UNC5C: variants seen among roughly 807,000 people sequenced by gnomAD.
UNC5C encodes the protein netrin receptor UNC5C.
Under a neutral mutation model 99.8 loss-of-function variants are expected in UNC5C, and 47 were observed. The observed-to-expected ratio is 0.47, with a 90% CI of 0.37 to 0.60. The LOEUF (loss-of-function observed/expected upper bound fraction) is 0.60, where lower values mean the gene tolerates loss of function less well. UNC5C is among the 20% of genes least tolerant of loss of function. UNC5C has a pLI of 0.00. For synonymous variants in UNC5C, 487 were observed against 452.2 expected (o/e 1.08, Z -0.98); for missense variants, 1,062 against 1,165.9 (o/e 0.91, Z 1.30).
At chr4:95,537,427 A>C (rs1722808851) in intron 1 of UNC5C, among the ~76,000 whole-genome samples, 1 of 152,158 alleles carries the variant, frequency 6.6e-6, no homozygotes, top group Non-Finnish European at 1.5e-5. Context: ...CACGACAGCC[A>C]CTGATTAATT....
At chr4:95,207,854 A>G (rs541238908) in intron 10 of UNC5C, among the ~76,000 whole-genome samples, 1 of 152,320 alleles carries the variant, frequency 6.6e-6, no homozygotes, top group South Asian at 2.1e-4. Context: ...CAAATTTACA[A>G]AATATTCTTA....
chr4:95,487,574 T>C (rs930702211), intron 1 of UNC5C, among the ~76,000 whole-genome samples: 33 of 151,824 alleles, frequency 2.2e-4, no homozygotes, highest in African/African-American at 7.2e-4. Flanking sequence ...TTAAATGTGC[T>C]GTGTATTGAC....
chr4:95,281,474 C>T lies in UNC5C; in HGVS notation c.491-3112G>A, dbSNP rs551211861. 1.4e-4 allele frequency among the ~76,000 whole-genome samples: 22 copies of T among 152,106 alleles called. No homozygotes were observed. In the South Asian group the frequency reaches 3.3e-3, roughly 23 times the overall value. ...CATCAGAGTGACTGATGGAGTGAGG[C>T]GGTGGTGAGGAGCCTGAAGTTAGTT... On this transcript the variant is annotated intron_variant, in intron 3 of 15. Coordinates refer to ENST00000453304, the MANE Select transcript of UNC5C (RefSeq NM_003728.4).
chr4:95,332,537 G>A (rs1486296965), intron 2 of UNC5C, among the ~76,000 whole-genome samples: 1 of 151,654 alleles, frequency 6.6e-6, no homozygotes, highest in African/African-American at 2.4e-5. Flanking sequence ...GCTGAAACTG[G>A]ATCCCTTCCT....
chr4:95,242,664 A>C (rs1384102695), intron 6 of UNC5C, 71 bp from the exon 7 acceptor site: 1 of 1,432,714 alleles, frequency 7.0e-7, no homozygotes, highest in East Asian at 2.5e-5. Flanking sequence ...CAGAGCTCAA[A>C]TATAATACAA....
intron 3 of UNC5C, among the ~76,000 whole-genome samples, chr4:95,287,906 TG>T (rs1741293924): frequency 6.6e-6 from 1 of 152,132 alleles, no homozygotes; most frequent in South Asian, 2.1e-4. Context: ...TGCTTGGTGC[TG>T]GGTATATAGC....
intron 1 of UNC5C, among the ~76,000 whole-genome samples, chr4:95,457,869 C>A (rs1453497172): frequency 6.6e-6 from 1 of 152,050 alleles, no homozygotes; most frequent in Non-Finnish European, 1.5e-5. Flanking sequence ...AGGATCTGAA[C>A]GTCGGATGAG....
At position 95,283,384 on chromosome 4, in the gene UNC5C, G is replaced by T. The variant is rs373432993; in HGVS notation, c.491-5022C>A. On this transcript the variant is annotated intron_variant, in intron 3 of 15. Coordinates refer to ENST00000453304, the MANE Select transcript of UNC5C (RefSeq NM_003728.4). ...GATCTCACATTTAACCCCCTACAAG[G>T]CAATACTTCTTCCTGAAAAACGCTT... Among the ~76,000 whole-genome samples, 20 of 152,190 alleles carry T rather than the reference G, an allele frequency of 1.3e-4. No homozygotes were observed. The South Asian group carries it at 4.1e-3, about 32-fold the overall frequency.
At chr4:95,486,692 C>A (rs1355920089) in intron 1 of UNC5C, among the ~76,000 whole-genome samples, 3 of 151,572 alleles carry the variant, frequency 2.0e-5, no homozygotes, top group Non-Finnish European at 4.4e-5. Flanking sequence ...AAATGTATTT[C>A]TTCTTCCAGA....
At chr4:95,310,563 G>GTAATA (rs369014360) in intron 2 of UNC5C, among the ~76,000 whole-genome samples, 1,844 of 152,190 alleles carry the variant, frequency 0.012, 40 homozygotes, top group African/African-American at 0.042. Flanking sequence ...ACACAATTCT[G>GTAATA]TTAATAAATG....
intron 1 of UNC5C, among the ~76,000 whole-genome samples, chr4:95,482,874 G>T: frequency 8.1e-6 from 1 of 123,684 alleles, no homozygotes; most frequent in Non-Finnish European, 1.7e-5. Flanking sequence ...TGGGCGGAGG[G>T]GGGAGGGATA....
intron 2 of UNC5C, among the ~76,000 whole-genome samples, chr4:95,310,946 C>T (rs1313592676): frequency 6.6e-6 from 1 of 152,132 alleles, no homozygotes; most frequent in African/African-American, 2.4e-5. Context: ...GCAATCATAA[C>T]ACAGTTTTCC....
At chr4:95,187,577 G>C (rs1405332823) in intron 12 of UNC5C, among the ~76,000 whole-genome samples, 1 of 150,522 alleles carries the variant, frequency 6.6e-6, no homozygotes, top group Non-Finnish European at 1.5e-5. Context: ...AATCTAACAC[G>C]GCATTTTGAG....
chr4:95,320,538 G>A (rs1459707336), intron 2 of UNC5C, among the ~76,000 whole-genome samples: 1 of 151,588 alleles, frequency 6.6e-6, no homozygotes, highest in Non-Finnish European at 1.5e-5. Flanking sequence ...TTTAACAATT[G>A]TTCTATTCTC....
At chr4:95,191,610 C>T (rs1234677482) in intron 12 of UNC5C, among the ~76,000 whole-genome samples, 1 of 151,548 alleles carries the variant, frequency 6.6e-6, no homozygotes, top group East Asian at 2.0e-4. Context: ...TCCCTCCTTC[C>T]CTGCTCGCAC....
intron 1 of UNC5C, among the ~76,000 whole-genome samples, chr4:95,338,592 C>CA: frequency 6.6e-6 from 1 of 152,008 alleles, no homozygotes; most frequent in South Asian, 2.1e-4. Context: ...TACCAATTTT[C>CA]AAAAAACTTG....
chr4:95,445,666 T>G (rs2149465211), intron 1 of UNC5C, among the ~76,000 whole-genome samples: 1 of 152,194 alleles, frequency 6.6e-6, no homozygotes, highest in East Asian at 1.9e-4. Flanking sequence ...AGTAAGTTCT[T>G]GACAATTTTG....
intron 1 of UNC5C, among the ~76,000 whole-genome samples, chr4:95,411,689 G>T (rs145952188): frequency 7.2e-5 from 11 of 152,140 alleles, no homozygotes; most frequent in African/African-American, 2.7e-4. Context: ...AAATTGGATC[G>T]CAATCTCTTT....
chr4:95,260,236 GA>G (rs1353029038), intron 4 of UNC5C, among the ~76,000 whole-genome samples: 1 of 152,028 alleles, frequency 6.6e-6, no homozygotes, highest in Non-Finnish European at 1.5e-5. Context: ...CATGCAAAAC[GA>G]AACAAAAAAA....
Sources: gnomAD v4.1 joint callset for allele counts (sites outside exome capture counted in the v4.1 genomes callset) on GRCh38, gnomAD v4.1.1 for gene constraint, MANE v1.5 for transcripts, NCBI Gene and HGNC (gene_info 2026-07-23, HGNC 2026-07-21) for gene names.